SHOC2: variants seen among roughly 807,000 people sequenced by gnomAD.
The protein encoded by SHOC2 is leucine-rich repeat protein SHOC-2.
SHOC2 carries 4 observed loss-of-function variants against 50.2 expected under a neutral mutation model. That is an observed-to-expected ratio of 0.08 (90% CI 0.04 to 0.18). SHOC2 has a LOEUF of 0.18. Among genes scored for constraint, SHOC2 ranks in the 10% least tolerant of loss-of-function variants. The pLI is 1.00. For synonymous variants in SHOC2, 218 were observed against 244.5 expected (o/e 0.89, Z 1.01); for missense variants, 388 against 669.6 (o/e 0.58, Z 4.64).
chr10:110,935,493 G>T (rs1222084963), intron 1 of SHOC2, among the ~76,000 whole-genome samples: 1 of 152,172 alleles, frequency 6.6e-6, no homozygotes, highest in Admixed American at 6.5e-5. Context: ...TGTTATAGAT[G>T]ATGCTAGTGT....
At chr10:110,926,676 A>G (rs538341859) in intron 1 of SHOC2, among the ~76,000 whole-genome samples, 49 of 152,356 alleles carry the variant, frequency 3.2e-4, no homozygotes, top group Middle Eastern at 6.8e-3. Context: ...ATAGAATAGT[A>G]TAGAAAATAA....
At chr10:110,966,294 C>T (rs183484505) in intron 2 of SHOC2, among the ~76,000 whole-genome samples, 1 of 151,928 alleles carries the variant, frequency 6.6e-6, no homozygotes, top group Non-Finnish European at 1.5e-5. Context: ...GACTTACTCA[C>T]GAGATATTAA....
chr10:110,985,514 T>C, intron 2 of SHOC2, 114 bp from the exon 3 acceptor site: 1 of 773,494 alleles, frequency 1.3e-6, no homozygotes. Context: ...CTAATAAGGT[T>C]ATGTTTCCCG....
At chr10:110,962,940 GCTGT>G (rs1847599760) in intron 1 of SHOC2, among the ~76,000 whole-genome samples, 1 of 152,090 alleles carries the variant, frequency 6.6e-6, no homozygotes, top group African/African-American at 2.4e-5. Flanking sequence ...GAGTGTTTTG[GCTGT>G]CTAATTAAAC....
In SHOC2 at chr10:110,964,467, G is replaced by C. The variant is rs1170704957; in HGVS notation, c.109G>C (p.Glu37Gln). 1.2e-6 allele frequency: 2 copies of C among 1,613,958 alleles called. No individual in the cohort carries two copies. The highest frequency in any genetic ancestry group is 4.5e-5 in the East Asian group (2 of 44,884). The change falls in exon 2 of 9, where the codon GAG (glutamate) becomes CAG (glutamine). Residue 37 changes from glutamate (E) to glutamine (Q), a missense_variant. Glu to Gln is a conservative substitution (Grantham distance 29). This residue lies in a region of SHOC2 where 121 missense variants were observed against 145.5 expected (regional missense o/e 0.83). Transcript: ENST00000369452. This position sits in a 1 kb window ranked among gnomAD's most constrained non-coding sequence, Gnocchi z 4.9. ...AAAAGCCTCTGGAGGTTTTGGGAAA[G>C]AGAGCAAAGAAAAAGAACCTAAGAC... Reference protein sequence around the residue: ...EAKASGGFGKESKEKEPKTKG... With the variant: ...EAKASGGFGKQSKEKEPKTKG...
rs575891067 is a variant in SHOC2 at position 111,003,237 on chromosome 10, A to C, written c.973-1369A>C. Reference sequence around the variant, plus strand: ...CAAGTACTAAGTTTTCAATTTGCTGATGGTGGACAACTGAAGTTTGAACAT... The same window carrying C: ...CAAGTACTAAGTTTTCAATTTGCTGCTGGTGGACAACTGAAGTTTGAACAT... On this transcript the variant is annotated intron_variant, in intron 4 of 8. Transcript: ENST00000369452. 1.4e-4 allele frequency among the ~76,000 whole-genome samples: 21 copies of C among 152,352 alleles called. No individual in the cohort carries two copies. In the South Asian group the frequency reaches 3.9e-3, roughly 29 times the overall value.
chr10:110,936,896 T>G, intron 1 of SHOC2: 4 of 1,382,442 alleles, frequency 2.9e-6, no homozygotes, highest in Non-Finnish European at 4.1e-6. Flanking sequence ...CTTTTTCTTG[T>G]CGTAAGGCGG....
At chr10:110,937,962 T>C (rs1310653050) in intron 1 of SHOC2, among the ~76,000 whole-genome samples, 2 of 152,216 alleles carry the variant, frequency 1.3e-5, no homozygotes, top group Non-Finnish European at 2.9e-5. Flanking sequence ...TTTCCTTAGA[T>C]GGTGATTCTT....
chr10:110,927,156 T>G (rs1314741643), intron 1 of SHOC2, among the ~76,000 whole-genome samples: 1 of 152,094 alleles, frequency 6.6e-6, no homozygotes, highest in Non-Finnish European at 1.5e-5. Flanking sequence ...ACTGGGAAAA[T>G]TAGGTTGAAA....
chr10:110,942,654 T>A lies in SHOC2; in HGVS notation c.-234-21471T>A, dbSNP rs139713756. 2.0e-5 allele frequency among the ~76,000 whole-genome samples: 3 copies of A among 152,340 alleles called. No individual in the cohort carries two copies. In the East Asian group the frequency reaches 5.8e-4, roughly 29 times the overall value. Reference sequence around the variant, plus strand: ...ACCAGGCTACCTCTCTGTAATAACATCCTCTTGGTCTACTCGGACTCTTTC... The same window carrying A: ...ACCAGGCTACCTCTCTGTAATAACAACCTCTTGGTCTACTCGGACTCTTTC... On this transcript the variant is annotated intron_variant, in intron 1 of 8. Coordinates refer to ENST00000369452, the MANE Select transcript of SHOC2 (RefSeq NM_007373.4).
intron 2 of SHOC2, among the ~76,000 whole-genome samples, chr10:110,980,124 G>A (rs1354561746): frequency 6.7e-6 from 1 of 149,934 alleles, no homozygotes; most frequent in Middle Eastern, 3.5e-3. Flanking sequence ...ACCATCTGTA[G>A]TCTGAAAAGC....
intron 2 of SHOC2, among the ~76,000 whole-genome samples, chr10:110,966,929 A>G (rs959678431): frequency 6.6e-6 from 1 of 152,196 alleles, no homozygotes; most frequent in Admixed American, 6.5e-5. Context: ...TTTTAAAAGT[A>G]TAATGTTTTT....
intron 1 of SHOC2, among the ~76,000 whole-genome samples, chr10:110,954,745 G>A (rs1347244426): frequency 6.6e-6 from 1 of 152,178 alleles, no homozygotes; most frequent in African/African-American, 2.4e-5. Flanking sequence ...GTCAGAGAAG[G>A]CTTTATTTAA....
chr10:110,978,395 C>T (rs764667254), intron 2 of SHOC2, among the ~76,000 whole-genome samples: 2 of 152,166 alleles, frequency 1.3e-5, no homozygotes, highest in African/African-American at 2.4e-5. Flanking sequence ...GGTTAAATTG[C>T]TGTTGAGTCA....
At chr10:110,990,754 A>G (rs1252555871) in intron 3 of SHOC2, among the ~76,000 whole-genome samples, 1 of 152,126 alleles carries the variant, frequency 6.6e-6, no homozygotes, top group Non-Finnish European at 1.5e-5. Flanking sequence ...TGCTCAAAAA[A>G]AACAAAAACA....
At chr10:110,995,091 A>G (rs1848246977) in intron 3 of SHOC2, among the ~76,000 whole-genome samples, 1 of 152,186 alleles carries the variant, frequency 6.6e-6, no homozygotes, top group African/African-American at 2.4e-5. Context: ...AATTTTTTGT[A>G]TCTTGTTCCT....
chr10:110,995,670 G>A (rs1334000936), intron 3 of SHOC2, among the ~76,000 whole-genome samples: 1 of 152,168 alleles, frequency 6.6e-6, no homozygotes, highest in Non-Finnish European at 1.5e-5. Context: ...TCTTACTGCT[G>A]CTTCCTAGGT....
At chr10:110,979,172 G>A (rs555825811) in intron 2 of SHOC2, among the ~76,000 whole-genome samples, 2 of 152,290 alleles carry the variant, frequency 1.3e-5, no homozygotes, top group South Asian at 2.1e-4. Context: ...TTTTTGTTAG[G>A]ACTTAGTTCC....
At chr10:110,942,149 G>A (rs1376318006) in intron 1 of SHOC2, among the ~76,000 whole-genome samples, 2 of 114,988 alleles carry the variant, frequency 1.7e-5, no homozygotes, top group African/African-American at 6.3e-5. Context: ...TTTGAGTTAC[G>A]CAGATTTTCT....
Sources: allele counts gnomAD v4.1 joint callset (sites outside exome capture counted in the v4.1 genomes callset), GRCh38; gene constraint gnomAD v4.1.1; regional missense constraint gnomAD v4.1.1; non-coding constraint Gnocchi (gnomAD v3.1); transcripts MANE v1.5; gene names NCBI Gene and HGNC (gene_info 2026-07-23, HGNC 2026-07-21).